GRID2: variants seen among roughly 807,000 people sequenced by gnomAD.
The protein encoded by GRID2 is glutamate receptor ionotropic, delta-2.
GRID2 carries 33 observed loss-of-function variants against 114.8 expected under a neutral mutation model. The ratio of observed to expected loss-of-function variants is 0.29; its 90% CI spans 0.22 to 0.38. The LOEUF is 0.38. Among genes scored for constraint, GRID2 ranks in the 10% least tolerant of loss-of-function variants. GRID2 has a pLI of 1.00. For synonymous variants in GRID2, 505 were observed against 449.9 expected (o/e 1.12, Z -1.55); for missense variants, 1,184 against 1,257.7 (o/e 0.94, Z 0.89).
intron 8 of GRID2, among the ~76,000 whole-genome samples, chr4:93,386,057 T>A (rs1214680379): frequency 6.6e-6 from 1 of 151,874 alleles, no homozygotes; most frequent in East Asian, 1.9e-4. Context: ...AAAAAAAAAA[T>A]GTGTTTTCTC....
intron 4 of GRID2, among the ~76,000 whole-genome samples, chr4:93,179,580 T>C (rs1171498429): frequency 6.9e-6 from 1 of 145,156 alleles, no homozygotes; most frequent in Non-Finnish European, 1.5e-5. Flanking sequence ...TAACAATAAC[T>C]AAGTTCCATT....
In GRID2 at chr4:92,771,121, T is replaced by G. The variant is rs75329943; in HGVS notation, c.244+180835T>G. Among the ~76,000 whole-genome samples the G allele has an allele frequency of 7.6e-3, 1,154 of 152,298 alleles. 11 individuals are homozygous for G. Among genetic ancestry groups the G allele is most frequent in the African/African-American group, 0.026 (1,098 of 41,576 alleles). Reference sequence around the variant, plus strand: ...CTTGAGAAACAAAACATAATTTGCTTTAACCCAGTATTTCCAAACATGTTA... The same window carrying G: ...CTTGAGAAACAAAACATAATTTGCTGTAACCCAGTATTTCCAAACATGTTA... On this transcript the variant is annotated intron_variant, in intron 2 of 15. Transcript: ENST00000282020.
At chr4:93,520,964 T>A in intron 13 of GRID2, among the ~76,000 whole-genome samples, 1 of 152,076 alleles carries the variant, frequency 6.6e-6, no homozygotes, top group East Asian at 1.9e-4. Flanking sequence ...AGGAGGCCAC[T>A]GTAATAATCC....
intron 3 of GRID2, among the ~76,000 whole-genome samples, chr4:93,089,504 G>T (rs1433313639): frequency 6.6e-6 from 1 of 152,112 alleles, no homozygotes. Flanking sequence ...TTCTGGCCCA[G>T]TAAAGGTTTA....
intron 2 of GRID2, among the ~76,000 whole-genome samples, chr4:93,027,072 A>G (rs1723948558): frequency 6.6e-6 from 1 of 152,056 alleles, no homozygotes; most frequent in African/African-American, 2.4e-5. Flanking sequence ...AATGCGATCA[A>G]CACCATTTTT....
At position 92,792,892 on chromosome 4, in the gene GRID2, CA is replaced by C. The variant is rs1317033433; in HGVS notation, c.244+202607del. 5.2e-5 allele frequency among the ~76,000 whole-genome samples: 7 copies of C among 133,354 alleles called. No homozygotes were observed. In the East Asian group the frequency reaches 6.5e-4, roughly 12 times the overall value. 87.5% of individuals were successfully genotyped at this position (133,354 alleles called of 152,430 possible). A position where few individuals can be genotyped will look rare whatever the true frequency, so the allele number is the denominator to read the frequency against. ...TCCAGGACCAGCGACTCATAATATCCATTTTTTTTTTTTTTTTGTCATTTTG... is the reference window on the plus strand; with the variant it reads ...TCCAGGACCAGCGACTCATAATATCCTTTTTTTTTTTTTTTTGTCATTTTG... On this transcript the variant is annotated intron_variant, in intron 2 of 15. Coordinates refer to ENST00000282020, the MANE Select transcript of GRID2 (RefSeq NM_001510.4).
intron 1 of GRID2, among the ~76,000 whole-genome samples, chr4:92,572,098 G>T (rs931882851): frequency 2.6e-5 from 4 of 151,560 alleles, no homozygotes; most frequent in Admixed American, 6.6e-5. Flanking sequence ...TCCAGGAGCT[G>T]GTTTTTTGAA....
At chr4:93,563,487 T>G (rs1438692653) in intron 13 of GRID2, among the ~76,000 whole-genome samples, 2 of 152,012 alleles carry the variant, frequency 1.3e-5, no homozygotes, top group Admixed American at 1.3e-4. Context: ...TTTCTGAATG[T>G]ATCGTATAGA....
intron 1 of GRID2, among the ~76,000 whole-genome samples, chr4:92,589,462 T>A (rs1372799846): frequency 6.6e-6 from 1 of 152,160 alleles, no homozygotes. Flanking sequence ...AAATAGTCAA[T>A]AAAAGTTAGC....
intron 2 of GRID2, among the ~76,000 whole-genome samples, chr4:92,906,915 G>A (rs1436514079): frequency 6.6e-6 from 1 of 152,168 alleles, no homozygotes; most frequent in African/African-American, 2.4e-5. Context: ...TCACTCTGGA[G>A]CTTGTTAGGA....
At chr4:92,942,804 G>T (rs562276490) in intron 2 of GRID2, among the ~76,000 whole-genome samples, 1 of 152,208 alleles carries the variant, frequency 6.6e-6, no homozygotes, top group South Asian at 2.1e-4. Flanking sequence ...GTCTGTAAAG[G>T]ATTTTATTTC....
intron 2 of GRID2, among the ~76,000 whole-genome samples, chr4:92,787,691 TA>T (rs1404093830): frequency 6.6e-6 from 1 of 151,938 alleles, no homozygotes; most frequent in African/African-American, 2.4e-5. Flanking sequence ...GAGAGGTACA[TA>T]ATTATTACAT....
intron 2 of GRID2, among the ~76,000 whole-genome samples, chr4:92,750,185 T>G (rs1429900759): frequency 6.6e-6 from 1 of 152,140 alleles, no homozygotes; most frequent in East Asian, 1.9e-4. Context: ...TCTAACACTT[T>G]GCACCAACCA....
chr4:93,375,069 G>T (rs1433471527), intron 8 of GRID2, among the ~76,000 whole-genome samples: 4 of 152,096 alleles, frequency 2.6e-5, no homozygotes, highest in Non-Finnish European at 4.4e-5. Flanking sequence ...GCAACACATG[G>T]AAAGGGCAAG....
In GRID2 at chr4:93,008,643, T is replaced by C. The variant is rs182102207; in HGVS notation, c.245-76352T>C. On this transcript the variant is annotated intron_variant, in intron 2 of 15. Coordinates refer to ENST00000282020, the MANE Select transcript of GRID2 (RefSeq NM_001510.4). The stretch of plus-strand genomic sequence containing the variant: ...GTTTTGATGGTAGTAGACATGGCAG[T>C]ATTGCTGGAGATAGTTGATGTAAAT... Among the ~76,000 whole-genome samples the C allele has an allele frequency of 1.5e-4, 23 of 152,274 alleles. No individual in the cohort carries two copies. In the Middle Eastern group the frequency reaches 0.014, roughly 90 times the overall value.
At chr4:92,748,408 G>A (rs1396359726) in intron 2 of GRID2, among the ~76,000 whole-genome samples, 2 of 152,036 alleles carry the variant, frequency 1.3e-5, no homozygotes, top group Non-Finnish European at 2.9e-5. Flanking sequence ...TTCCCAGGGT[G>A]TTGACTTCAT....
chr4:93,623,598 A>G (rs1578422266), intron 13 of GRID2, among the ~76,000 whole-genome samples: 1 of 152,216 alleles, frequency 6.6e-6, no homozygotes. Context: ...ATGTCCAACA[A>G]TGATAGACTG....
intron 14 of GRID2, among the ~76,000 whole-genome samples, chr4:93,732,978 C>G (rs781174822): frequency 6.6e-6 from 1 of 151,404 alleles, no homozygotes; most frequent in Non-Finnish European, 1.5e-5. Context: ...TATTTGAAAG[C>G]ATGGCACTAA....
intron 2 of GRID2, among the ~76,000 whole-genome samples, chr4:93,082,456 C>T (rs150972450): frequency 0.012 from 1,762 of 152,098 alleles, 10 homozygotes; most frequent in Non-Finnish European, 0.014. Context: ...CAGAGGGATG[C>T]GCATTTATAA....
Sources: allele counts gnomAD v4.1 joint callset (sites outside exome capture counted in the v4.1 genomes callset), GRCh38; gene constraint gnomAD v4.1.1; transcripts MANE v1.5; gene names NCBI Gene and HGNC (gene_info 2026-07-23, HGNC 2026-07-21).